Variants in ZNF468 observed in about 807,000 individuals in gnomAD.
The protein encoded by ZNF468 is zinc finger protein 468, also known as zinc finger protein ZNF468.
ZNF468 carries 8 observed loss-of-function variants against 7.2 expected under a neutral mutation model. The observed-to-expected ratio is 1.11, with a 90% CI of 0.65 to 2.01. The LOEUF (loss-of-function observed/expected upper bound fraction) is 2.01. Among genes scored for constraint, ZNF468 ranks in the 30% most tolerant of loss-of-function variants. The pLI, the probability that ZNF468 is intolerant of heterozygous loss-of-function variation, is 0.00. For synonymous variants in ZNF468, 218 were observed against 214.4 expected, an observed-to-expected ratio of 1.02 and a Z score of -0.15; for missense variants, 608 against 626.5, an observed-to-expected ratio of 0.97 and a Z score of 0.31.
At chr19:52,846,384 G>C (rs2063342185) in intron 3 of ZNF468, among the ~76,000 whole-genome samples, 1 of 152,068 alleles carries the variant, frequency 6.6e-6, no homozygotes, top group African/African-American at 2.4e-5. Context: ...AATTTTAGTA[G>C]AGTTGCAGTT....
Position 52,840,721 on chromosome 19 carries a change from A to G in ZNF468, c.*4T>C, listed in dbSNP as rs534544686. On this transcript the variant is annotated 3_prime_UTR_variant, in exon 4 of 4. Transcript: ENST00000595646. ...TGGAAGGTCTTGCCACACTCATTACACTATTAAGGCTTCTCTCCACTATGA... is the reference window on the plus strand; with the variant it reads ...TGGAAGGTCTTGCCACACTCATTACGCTATTAAGGCTTCTCTCCACTATGA... 2.5e-6 allele frequency: 4 copies of G among 1,613,510 alleles called. No individual in the cohort carries two copies. The highest frequency in any genetic ancestry group is 2.2e-5 in the East Asian group (1 of 44,802).
Position 52,840,609 on chromosome 19 carries a change from T to C in ZNF468, c.*116A>G. 2 of 1,547,688 alleles carry C rather than the reference T, an allele frequency of 1.3e-6. No individual in the cohort carries two copies. Among genetic ancestry groups the C allele is most frequent in the South Asian group, 1.1e-5 (1 of 89,432 alleles). On this transcript the variant is annotated 3_prime_UTR_variant, in exon 4 of 4. Transcript: ENST00000595646. ...TATGGTGATGTGCAAAGGTTGCTTT[T>C]TGATTAAAAACCTTGCCACATTCAT... is the stretch of plus-strand genomic sequence containing the variant.
intron 2 of ZNF468, among the ~76,000 whole-genome samples, chr19:52,851,911 C>T (rs1203868795): frequency 1.3e-5 from 2 of 151,952 alleles, no homozygotes; most frequent in Admixed American, 6.6e-5. Flanking sequence ...TGTATATATG[C>T]ATGTATATGT....
intron 1 of ZNF468, 123 bp from the exon 2 acceptor site, chr19:52,854,468 A>G: frequency 1.9e-6 from 2 of 1,033,454 alleles, no homozygotes; most frequent in South Asian, 1.8e-5. Flanking sequence ...CCACTGCACA[A>G]TGAACAAAAA....
Position 52,841,735 on chromosome 19 carries a change from G to C in ZNF468, c.559C>G (p.His187Asp). 1 of 1,614,044 alleles carries C rather than the reference G, an allele frequency of 6.2e-7. No individual in the cohort carries two copies. Among genetic ancestry groups the C allele is most frequent in the Non-Finnish European group, 8.5e-7 (1 of 1,180,002 alleles). The change falls in exon 4 of 4, where the codon CAT (histidine) becomes GAT (aspartate). Residue 187 changes from histidine to aspartate, a missense_variant. Coordinates refer to ENST00000595646, the MANE Select transcript of ZNF468 (RefSeq NM_001008801.2). ...TTATTTCCATACTTATTAGAAATAT[G>C]GGTTTTGGGCCTACAACAAATTCTT... is the stretch of plus-strand genomic sequence containing the variant. ...SQRICCRPKT[H>D]ISNKYGNNSL...
rs749265715 is a variant in ZNF468 at position 52,841,494 on chromosome 19, C to G, written c.800G>C (p.Gly267Ala). Residue 267 changes from glycine (G) to alanine (A), a missense_variant, in exon 4 of 4, where the codon GGT becomes GCT. Coordinates refer to ENST00000595646, the MANE Select transcript of ZNF468 (RefSeq NM_001008801.2). ...YLACHRRCHT[G>A]EKPYKCNECG... ...CTCATTACACTTGTAAGGTTTCTCA[C>G]CAGTGTGACATCTACGATGGCAGGC... 2.5e-6 allele frequency: 4 copies of G among 1,614,012 alleles called. No homozygotes were observed. Among genetic ancestry groups the G allele is most frequent in the Non-Finnish European group, 3.4e-6 (4 of 1,180,028 alleles).
Position 52,841,589 on chromosome 19 carries a change from T to C in ZNF468, c.705A>G (p.Ile235Met). 6.2e-7 allele frequency: 1 copy of C among 1,614,076 alleles called. No homozygotes were observed. The change falls in exon 4 of 4, where the codon ATA becomes ATG. Residue 235 changes from isoleucine to methionine, a missense_variant. Coordinates refer to ENST00000595646, the MANE Select transcript of ZNF468 (RefSeq NM_001008801.2). ...NCSSLLKKHQ[I>M]IHLEEKQCKC... ...TACATTGTTTCTCTTCTAAGTGAATTATCTGATGTTTTTTTAAGAGTGAGC... is the reference window on the plus strand; with the variant it reads ...TACATTGTTTCTCTTCTAAGTGAATCATCTGATGTTTTTTTAAGAGTGAGC...
At chr19:52,850,865 C>G (rs569020962) in intron 2 of ZNF468, among the ~76,000 whole-genome samples, 4 of 151,928 alleles carry the variant, frequency 2.6e-5, no homozygotes, top group South Asian at 4.2e-4. Flanking sequence ...CGCCACTGCA[C>G]TCCAGCCTGG....
rs778880470 is a variant in ZNF468 at position 52,849,220 on chromosome 19, T to G, written c.16-7A>C. The G allele has an allele frequency of 9.9e-6, 16 of 1,613,310 alleles. No individual in the cohort carries two copies. Among genetic ancestry groups the G allele is most frequent in the African/African-American group, 1.3e-5 (1 of 74,846 alleles). On this transcript the variant is annotated splice_region_variant and splice_polypyrimidine_tract_variant and intron_variant, in intron 2 of 3. Coordinates refer to ENST00000595646, the MANE Select transcript of ZNF468 (RefSeq NM_001008801.2). ...CCCTGAATGTCAATAGACCCTGAAA[T>G]GAAAACACATTTTAACCAAATGGTT... is the stretch of plus-strand genomic sequence containing the variant.
chr19:52,849,357 G>C, intron 2 of ZNF468, 144 bp from the exon 3 acceptor site: 1 of 1,479,768 alleles, frequency 6.8e-7, no homozygotes, highest in Non-Finnish European at 9.1e-7. Context: ...CTCACTACAT[G>C]ATGTCTCCCC....
intron 1 of ZNF468, among the ~76,000 whole-genome samples, chr19:52,856,916 G>A (rs1361980540): frequency 1.3e-5 from 2 of 151,886 alleles, no homozygotes; most frequent in African/African-American, 2.4e-5. Flanking sequence ...GATCCCTTTG[G>A]CCCACACGAT....
At chr19:52,852,518 A>G (rs2063398509) in intron 2 of ZNF468, among the ~76,000 whole-genome samples, 1 of 151,892 alleles carries the variant, frequency 6.6e-6, no homozygotes, top group Non-Finnish European at 1.5e-5. Flanking sequence ...TAGTAAAAAT[A>G]CAAAAAAAAT....
rs1433678436 is a variant in ZNF468, at chr19:52,838,533, C to G, written c.*2192G>C. The G allele has an allele frequency of 6.6e-6, 1 of 152,110 alleles. No homozygotes were observed. Among genetic ancestry groups the G allele is most frequent in the East Asian group, 1.9e-4 (1 of 5,188 alleles). 9.4% of individuals were successfully genotyped at this position (152,110 alleles called of 1,614,324 possible). A position where few individuals can be genotyped will look rare whatever the true frequency, so the allele number is the denominator to read the frequency against. ...CAAAAGAAATCAAACTCATCCAAATCAGAAAGAAAGAAGTCAAATTTTATT... is the reference window on the plus strand; with the variant it reads ...CAAAAGAAATCAAACTCATCCAAATGAGAAAGAAAGAAGTCAAATTTTATT... On this transcript the variant is annotated 3_prime_UTR_variant, in exon 4 of 4. Transcript: ENST00000595646.
chr19:52,842,923 A>C (rs1259603348), intron 3 of ZNF468, among the ~76,000 whole-genome samples: 1 of 151,314 alleles, frequency 6.6e-6, no homozygotes, highest in Non-Finnish European at 1.5e-5. Flanking sequence ...CAGGAGTTCA[A>C]CCAGCCTGGC....
chr19:52,854,142 AGTG>A, intron 2 of ZNF468, 113 bp downstream of exon 2: 3 of 1,597,608 alleles, frequency 1.9e-6, no homozygotes, highest in Non-Finnish European at 1.7e-6. Context: ...GGAAGGCATA[AGTG>A]AGGGTGAGCA....
intron 2 of ZNF468, among the ~76,000 whole-genome samples, chr19:52,852,999 T>C (rs920137343): frequency 1.3e-5 from 2 of 151,576 alleles, no homozygotes; most frequent in African/African-American, 4.8e-5. Flanking sequence ...GGACTACAGG[T>C]GCCCACCACC....
intron 2 of ZNF468, among the ~76,000 whole-genome samples, chr19:52,852,816 G>A (rs2147743404): frequency 6.6e-6 from 1 of 151,734 alleles, no homozygotes; most frequent in Non-Finnish European, 1.5e-5. Context: ...AGCCCCAAAA[G>A]TAAAGTAAAA....
chr19:52,855,671 T>G (rs2063431484), intron 1 of ZNF468, among the ~76,000 whole-genome samples: 4 of 151,016 alleles, frequency 2.6e-5, no homozygotes, highest in Non-Finnish European at 5.9e-5. Flanking sequence ...ACCGCTCTGT[T>G]TCTTCCATTC....
At chr19:52,844,372 T>C (rs2063327359) in intron 3 of ZNF468, among the ~76,000 whole-genome samples, 1 of 152,098 alleles carries the variant, frequency 6.6e-6, no homozygotes, top group African/African-American at 2.4e-5. Context: ...CAGGAAGCAA[T>C]TTGGCTGGCA....
Sources: allele counts gnomAD v4.1 joint callset (sites outside exome capture counted in the v4.1 genomes callset), GRCh38; gene constraint gnomAD v4.1.1; transcripts MANE v1.5; gene names NCBI Gene and HGNC (gene_info 2026-07-23, HGNC 2026-07-21).